Variants in CNNM2 observed in about 807,000 individuals in gnomAD.
The protein encoded by CNNM2 is cyclin and CBS domain divalent metal cation transport mediator 2.
A neutral mutation model predicts 66.9 loss-of-function variants in CNNM2; 12 were observed. That is an observed-to-expected ratio of 0.18 (90% CI 0.11 to 0.29). The LOEUF (loss-of-function observed/expected upper bound fraction) is 0.29. CNNM2 is among the 10% of genes least tolerant of loss of function. CNNM2 has a pLI of 1.00. For synonymous variants in CNNM2, 557 were observed against 501.8 expected, an observed-to-expected ratio of 1.11 and a Z score of -1.47; for missense variants, 705 against 1,167.7, an observed-to-expected ratio of 0.60 and a Z score of 5.77.
At chr10:103,070,441 G>A (rs1403185063) in intron 5 of CNNM2, among the ~76,000 whole-genome samples, 1 of 152,166 alleles carries the variant, frequency 6.6e-6, no homozygotes, top group Non-Finnish European at 1.5e-5. Context: ...AAGCATGAGG[G>A]GAAATGTGAG....
At chr10:103,027,170 G>T (rs2064724232) in intron 1 of CNNM2, among the ~76,000 whole-genome samples, 1 of 152,140 alleles carries the variant, frequency 6.6e-6, no homozygotes, top group Non-Finnish European at 1.5e-5. Flanking sequence ...AATTTATTGT[G>T]TATTACAAGC....
At chr10:103,015,643 C>G (rs906078017) in intron 1 of CNNM2, among the ~76,000 whole-genome samples, 2 of 152,064 alleles carry the variant, frequency 1.3e-5, no homozygotes, top group African/African-American at 4.8e-5. Flanking sequence ...CACTTGACAT[C>G]GGGAGTTCGA....
intron 3 of CNNM2, among the ~76,000 whole-genome samples, chr10:103,056,098 A>C (rs2065290921): frequency 6.6e-6 from 1 of 150,806 alleles, no homozygotes; most frequent in Non-Finnish European, 1.5e-5. Context: ...AAAAAAAAAA[A>C]AAATTTAAAT....
At chr10:103,020,500 T>C (rs891473139) in intron 1 of CNNM2, among the ~76,000 whole-genome samples, 26 of 152,150 alleles carry the variant, frequency 1.7e-4, no homozygotes, top group Non-Finnish European at 1.5e-5. Context: ...CAACCAATAT[T>C]TAATCAGTAT....
chr10:103,013,003 A>C (rs981650346), intron 1 of CNNM2, among the ~76,000 whole-genome samples: 1 of 152,170 alleles, frequency 6.6e-6, no homozygotes. Flanking sequence ...CTTAGCTGAG[A>C]GTAGAAGAGT....
chr10:102,928,985 C>T (rs1299185153), intron 1 of CNNM2, among the ~76,000 whole-genome samples: 5 of 152,234 alleles, frequency 3.3e-5, no homozygotes, highest in Non-Finnish European at 5.9e-5. Context: ...GCTCGCTGGG[C>T]GTGGTGGCTC....
At chr10:102,956,791 C>T (rs981045437) in intron 1 of CNNM2, among the ~76,000 whole-genome samples, 4 of 151,112 alleles carry the variant, frequency 2.6e-5, no homozygotes, top group Non-Finnish European at 4.4e-5. Context: ...GGACACAGGG[C>T]GGGGAACAAC....
At chr10:103,039,128 G>A (rs1486288862) in intron 1 of CNNM2, among the ~76,000 whole-genome samples, 4 of 151,888 alleles carry the variant, frequency 2.6e-5, no homozygotes, top group Middle Eastern at 3.2e-3. Context: ...ATTATAGCTC[G>A]TGTTCTAATA....
At chr10:103,007,478 C>A (rs945677905) in intron 1 of CNNM2, among the ~76,000 whole-genome samples, 1 of 152,130 alleles carries the variant, frequency 6.6e-6, no homozygotes, top group Non-Finnish European at 1.5e-5. Flanking sequence ...TTATCTCAAC[C>A]ACGTAAGACA....
In CNNM2 at chr10:102,919,916, C is replaced by A. The variant is rs1214000904; in HGVS notation, c.1436C>A (p.Thr479Asn). 6.2e-7 allele frequency: 1 copy of A among 1,614,200 alleles called. No homozygotes were observed. Among genetic ancestry groups the A allele is most frequent in the Non-Finnish European group, 8.5e-7 (1 of 1,180,036 alleles). ...TCTGAGATCATGGAGAGCGGCTACA[C>A]CCGCATTCCAGTGTTTGAAGGGGAG... ...TMSEIMESGY[T>N]RIPVFEGERS... Residue 479 changes from threonine (T) to asparagine (N), a missense_variant, in exon 1 of 8, where the codon ACC becomes AAC. This residue lies in a region of CNNM2 where 171 missense variants were observed against 304.8 expected (regional missense o/e 0.56). Transcript: ENST00000369878.
intron 1 of CNNM2, among the ~76,000 whole-genome samples, chr10:102,950,130 A>G (rs1253894294): frequency 6.6e-6 from 1 of 152,320 alleles, no homozygotes; most frequent in East Asian, 1.9e-4. Flanking sequence ...TTGGGCCGAG[A>G]GTTAGTCACA....
chr10:103,044,020 C>T (rs1464067147), intron 1 of CNNM2, among the ~76,000 whole-genome samples: 1 of 152,112 alleles, frequency 6.6e-6, no homozygotes, highest in Admixed American at 6.5e-5. Flanking sequence ...ACAATTTATG[C>T]TTTATTTGAT....
At chr10:102,987,160 G>A (rs2063811042) in intron 1 of CNNM2, among the ~76,000 whole-genome samples, 1 of 152,144 alleles carries the variant, frequency 6.6e-6, no homozygotes, top group Admixed American at 6.5e-5. Context: ...AAGGCTGAGG[G>A]TGGAGAGTTT....
rs1381249742 is a variant in CNNM2, at chr10:103,078,621, A to T, written c.*1441A>T. 1.3e-5 allele frequency: 2 copies of T among 152,334 alleles called. No homozygotes were observed. The highest frequency in any genetic ancestry group is 2.9e-5 in the Non-Finnish European group (2 of 68,034). 9.4% of individuals were successfully genotyped at this position (152,334 alleles called of 1,614,324 possible). ...TATCTGTGTTTTGTTAGCCCGAGGG[A>T]TATGTGCAGGTTGTTGGCGCTATTC... On this transcript the variant is annotated 3_prime_UTR_variant, in exon 8 of 8. Coordinates refer to ENST00000369878, the MANE Select transcript of CNNM2 (RefSeq NM_017649.5).
At chr10:103,021,325 C>T (rs1484722313) in intron 1 of CNNM2, among the ~76,000 whole-genome samples, 1 of 152,164 alleles carries the variant, frequency 6.6e-6, no homozygotes, top group Non-Finnish European at 1.5e-5. Context: ...ATGCACTGCA[C>T]ACCTCCCAGA....
intron 1 of CNNM2, among the ~76,000 whole-genome samples, chr10:103,019,428 G>T (rs999963202): frequency 2.0e-5 from 3 of 152,186 alleles, no homozygotes; most frequent in Middle Eastern, 3.2e-3. Context: ...AGCAAGTGGG[G>T]ACAGTGAATA....
At chr10:102,969,895 G>A (rs2063524043) in intron 1 of CNNM2, among the ~76,000 whole-genome samples, 1 of 151,876 alleles carries the variant, frequency 6.6e-6, no homozygotes, top group African/African-American at 2.4e-5. Flanking sequence ...CGCCCACCTC[G>A]GCCTCCCAAA....
intron 1 of CNNM2, among the ~76,000 whole-genome samples, chr10:102,954,927 C>A (rs1180623239): frequency 6.6e-6 from 1 of 152,100 alleles, no homozygotes; most frequent in African/African-American, 2.4e-5. Context: ...TAGGAAGAAT[C>A]AATATCGTGA....
intron 1 of CNNM2, among the ~76,000 whole-genome samples, chr10:102,970,039 ACT>A (rs1446757247): frequency 1.3e-5 from 2 of 152,018 alleles, no homozygotes; most frequent in Non-Finnish European, 2.9e-5. Context: ...ACTTATTTTT[ACT>A]CTTTCTTTTT....
Sources: gnomAD v4.1 joint callset for allele counts (sites outside exome capture counted in the v4.1 genomes callset) on GRCh38, gnomAD v4.1.1 for gene constraint, gnomAD v4.1.1 regional missense constraint, MANE v1.5 for transcripts, NCBI Gene and HGNC (gene_info 2026-07-23, HGNC 2026-07-21) for gene names.